PNOC: variants seen among roughly 807,000 people sequenced by gnomAD.
The protein encoded by PNOC is prepronociceptin, also known as nociceptin.
A neutral mutation model predicts 15.6 loss-of-function variants in PNOC; 10 were observed. That is an observed-to-expected ratio of 0.64 (90% confidence interval 0.40 to 1.09). PNOC has a LOEUF of 1.09. PNOC is among the 50% of genes least tolerant of loss of function. The pLI is 0.01. For synonymous variants in PNOC, 98 were observed against 88.5 expected (o/e 1.11, Z -0.60); for missense variants, 220 against 223.9 (o/e 0.98, Z 0.11).
chr8:28,319,936 A>G (rs1801119622), intron 1 of PNOC, among the ~76,000 whole-genome samples: 1 of 152,042 alleles, frequency 6.6e-6, no homozygotes, highest in Non-Finnish European at 1.5e-5. Flanking sequence ...AAAGTTTTCC[A>G]TCTAATCACA....
intron 2 of PNOC, among the ~76,000 whole-genome samples, chr8:28,336,114 T>C (rs1038435536): frequency 2.0e-5 from 3 of 152,186 alleles, no homozygotes; most frequent in African/African-American, 7.2e-5. Context: ...TCACCTCTTT[T>C]CATTCCCTTC....
At position 28,343,014 on chromosome 8, in the gene PNOC, C is replaced by T; in HGVS notation, c.*120C>T. 1 of 985,296 alleles carries T rather than the reference C, an allele frequency of 1.0e-6. No homozygotes were observed. Among genetic ancestry groups the T allele is most frequent in the African/African-American group, 1.7e-5 (1 of 57,382 alleles). The allele number at this position is 985,296 out of a possible 1,614,324, so 61.0% of individuals were successfully genotyped here. A position where few individuals can be genotyped will look rare whatever the true frequency, so the allele number is the denominator to read the frequency against. On this transcript the variant is annotated 3_prime_UTR_variant, in exon 4 of 4. Transcript: ENST00000301908. ...CGCCTGGGAATCAGGATTCCTTCTTCCCCAAGGCACTGAGCGCCTGCAGAT... is the reference window on the plus strand; with the variant it reads ...CGCCTGGGAATCAGGATTCCTTCTTTCCCAAGGCACTGAGCGCCTGCAGAT...
At chr8:28,338,211 T>C (rs1801446326) in intron 2 of PNOC, among the ~76,000 whole-genome samples, 1 of 151,988 alleles carries the variant, frequency 6.6e-6, no homozygotes, top group African/African-American at 2.4e-5. Context: ...GGGCAGAGGC[T>C]TCCAGGAGAC....
At chr8:28,332,703 C>A (rs995284838) in intron 2 of PNOC, among the ~76,000 whole-genome samples, 1 of 152,202 alleles carries the variant, frequency 6.6e-6, no homozygotes, top group African/African-American at 2.4e-5. Context: ...GTAATCCCAG[C>A]ATTTTGGGAG....
At chr8:28,330,400 T>TTTTATTTTTTTTTTTTTTA (rs1801309148) in intron 2 of PNOC, among the ~76,000 whole-genome samples, 1 of 102,228 alleles carries the variant, frequency 9.8e-6, no homozygotes, top group Non-Finnish European at 2.0e-5. Context: ...TATTTTATTT[T>TTTTATTTTTTTTTTTTTTA]TTTTTTTTTT....
intron 2 of PNOC, among the ~76,000 whole-genome samples, chr8:28,335,068 T>A (rs998747945): frequency 6.6e-6 from 1 of 152,150 alleles, no homozygotes; most frequent in African/African-American, 2.4e-5. Context: ...CTGTGACTAA[T>A]AGGTGGACTT....
At chr8:28,339,783 G>C (rs536588806) in intron 3 of PNOC, 7 of 200,840 alleles carry the variant, frequency 3.5e-5, no homozygotes, top group African/African-American at 1.6e-4. Context: ...TATGGGGACA[G>C]TTAAGTGGAC....
At chr8:28,328,428 T>A (rs982862919) in intron 1 of PNOC, among the ~76,000 whole-genome samples, 1 of 151,736 alleles carries the variant, frequency 6.6e-6, no homozygotes, top group African/African-American at 2.4e-5. Context: ...GATTTCAACA[T>A]AGGAATTTTA....
chr8:28,337,255 C>G (rs1444918230), intron 2 of PNOC, among the ~76,000 whole-genome samples: 1 of 152,202 alleles, frequency 6.6e-6, no homozygotes, highest in Non-Finnish European at 1.5e-5. Flanking sequence ...ATGTTCTTCC[C>G]ACTTAAGTCA....
chr8:28,341,917 A>T (rs1440015864), intron 3 of PNOC, among the ~76,000 whole-genome samples: 1 of 152,100 alleles, frequency 6.6e-6, no homozygotes, highest in African/African-American at 2.4e-5. Flanking sequence ...CCTGCCCTAC[A>T]CATGATGGAG....
chr8:28,330,088 A>G (rs2129872782), intron 2 of PNOC, among the ~76,000 whole-genome samples: 1 of 152,004 alleles, frequency 6.6e-6, no homozygotes, highest in Non-Finnish European at 1.5e-5. Context: ...CTGGGATTAC[A>G]GACGCCCACC....
chr8:28,334,447 C>A (rs1278912002), intron 2 of PNOC, among the ~76,000 whole-genome samples: 8 of 152,152 alleles, frequency 5.3e-5, no homozygotes. Context: ...CTTAGTGGAT[C>A]AGAATCTCCA....
intron 1 of PNOC, 33 bp from the exon 2 acceptor site, chr8:28,329,102 T>A: frequency 6.2e-7 from 1 of 1,606,584 alleles, no homozygotes; most frequent in Middle Eastern, 1.7e-4. Flanking sequence ...CGAGAATGGC[T>A]GTACTCATTG....
intron 2 of PNOC, among the ~76,000 whole-genome samples, chr8:28,333,409 C>T (rs997559645): frequency 2.6e-5 from 4 of 152,284 alleles, no homozygotes; most frequent in East Asian, 1.9e-4. Flanking sequence ...GCTGCCAAAA[C>T]GTGTCCAGCT....
chr8:28,339,121 T>TAG lies in PNOC; in HGVS notation c.208_209insAG (p.Trp70Ter). The change falls in exon 3 of 4, where the codon TGG (tryptophan) becomes TAGGG (stop). Residue 70 changes from tryptophan to a stop codon, truncating the protein, a stop_gained and frameshift_variant. Coordinates refer to ENST00000301908, the MANE Select transcript of PNOC (RefSeq NM_006228.5). LOFTEE classifies it high-confidence loss of function. ...PCTKVMARSS[W>*]QLSPAAPEHV... Reference sequence around the variant, plus strand: ...CACCAAGGTCATGGCCAGGAGCTCTTGGCAGCTCAGCCCTGCCGCCCCAGA... The same window carrying TAG: ...CACCAAGGTCATGGCCAGGAGCTCTTAGGGCAGCTCAGCCCTGCCGCCCCAGA... 6.2e-7 allele frequency: 1 copy of TAG among 1,611,920 alleles called. No homozygotes were observed. Among genetic ancestry groups the TAG allele is most frequent in the Non-Finnish European group, 8.5e-7 (1 of 1,178,148 alleles).
At chr8:28,328,522 G>C (rs1355132723) in intron 1 of PNOC, among the ~76,000 whole-genome samples, 2 of 152,154 alleles carry the variant, frequency 1.3e-5, no homozygotes, top group Non-Finnish European at 2.9e-5. Flanking sequence ...TCGGGGTATG[G>C]GGGGTTGGGG....
In PNOC at chr8:28,322,248, C is replaced by A. The variant is rs1039644721; in HGVS notation, c.-24+4932C>A. On this transcript the variant is annotated intron_variant, in intron 1 of 3. Coordinates refer to ENST00000301908, the MANE Select transcript of PNOC (RefSeq NM_006228.5). Reference sequence around the variant, plus strand: ...TACTAAAAATACAAAAAAAATTAGCCAGGCATGGTGGCGGGCACCTGTAAT... The same window carrying A: ...TACTAAAAATACAAAAAAAATTAGCAAGGCATGGTGGCGGGCACCTGTAAT... Among the ~76,000 whole-genome samples, 7 of 152,004 alleles carry A rather than the reference C, an allele frequency of 4.6e-5. 1 individual carries two copies. The highest frequency in any genetic ancestry group is 8.8e-5 in the Non-Finnish European group (6 of 67,988).
intron 2 of PNOC, among the ~76,000 whole-genome samples, chr8:28,330,038 G>A (rs1048408319): frequency 2.0e-5 from 3 of 152,012 alleles, no homozygotes; most frequent in East Asian, 3.9e-4. Context: ...CATCCACCTC[G>A]CAGGTTCAAG....
chr8:28,319,400 C>A (rs774054408), intron 1 of PNOC, among the ~76,000 whole-genome samples: 4 of 152,070 alleles, frequency 2.6e-5, no homozygotes, highest in Non-Finnish European at 4.4e-5. Flanking sequence ...TAGAAGAATT[C>A]GGGAGAAGGA....
Sources: allele counts gnomAD v4.1 joint callset (sites outside exome capture counted in the v4.1 genomes callset), GRCh38; gene constraint gnomAD v4.1.1; transcripts MANE v1.5; gene names NCBI Gene and HGNC (gene_info 2026-07-23, HGNC 2026-07-21).